The following HIF1AN variants were observed in gnomAD, a reference collection of about 807,000 sequenced individuals.
The protein encoded by HIF1AN is hypoxia inducible factor 1 subunit alpha inhibitor, also known as hypoxia-inducible factor 1-alpha inhibitor.
HIF1AN carries 21 observed loss-of-function variants against 47.7 expected under a neutral mutation model. The ratio of observed to expected loss-of-function variants is 0.44; its 90% CI spans 0.31 to 0.63. HIF1AN has a LOEUF of 0.63. HIF1AN is among the 30% of genes least tolerant of loss of function. The pLI is 0.07. For missense variants in HIF1AN, 320 were observed against 432.7 expected (o/e 0.74, Z 2.31); for synonymous variants, 152 against 155.9 (o/e 0.98, Z 0.18).
At chr10:100,538,598 ATCACCTGAGG>A (rs1362766281) in intron 2 of HIF1AN, among the ~76,000 whole-genome samples, 1 of 152,124 alleles carries the variant, frequency 6.6e-6, no homozygotes, top group Non-Finnish European at 1.5e-5. Flanking sequence ...CGGGAGGCAG[ATCACCTGAGG>A]TCAGGAGTTC....
rs1305553526 is a variant in HIF1AN at position 100,548,255 on chromosome 10, C to G, written c.*118C>G. The G allele has an allele frequency of 2.3e-6, 2 of 851,462 alleles. No homozygotes were observed. The highest frequency in any genetic ancestry group is 1.7e-6 in the Non-Finnish European group (1 of 571,988). The allele number at this position is 851,462 out of a possible 1,614,324, so 52.7% of individuals were successfully genotyped here. A position where few individuals can be genotyped will look rare whatever the true frequency, so the allele number is the denominator to read the frequency against. ...CACGCTGCACTTAATGGACTGGACT[C>G]TTGCCATGGCCCAGGAGTCAGGTGT... On this transcript the variant is annotated 3_prime_UTR_variant, in exon 8 of 8. Transcript: ENST00000299163.
chr10:100,541,350 C>A (rs1843026135), intron 3 of HIF1AN, among the ~76,000 whole-genome samples: 1 of 152,160 alleles, frequency 6.6e-6, no homozygotes, highest in African/African-American at 2.4e-5. Flanking sequence ...ATGATTGCAC[C>A]ACTGCACTGC....
chr10:100,545,385 A>G (rs1370420137), intron 4 of HIF1AN: 9 of 354,384 alleles, frequency 2.5e-5, no homozygotes, highest in Admixed American at 2.1e-4. Context: ...TTATAAGTTT[A>G]TGGAACAAAA....
In HIF1AN at chr10:100,542,022, T is replaced by C. The variant is rs1301104328; in HGVS notation, c.577+1240T>C. 2.0e-5 allele frequency among the ~76,000 whole-genome samples: 3 copies of C among 150,872 alleles called. No individual in the cohort carries two copies. The East Asian group carries it at 5.9e-4, about 29-fold the overall frequency. On this transcript the variant is annotated intron_variant, in intron 3 of 7. Transcript: ENST00000299163. ...TTGTGTATCTAAACATACCTAAATA[T>C]AGAAAAGGTATAGTAAAAGTACGGT... is the stretch of plus-strand genomic sequence containing the variant.
rs996531205 is a variant in HIF1AN, at chr10:100,558,867, G to A, written c.*10730G>A. On this transcript the variant is annotated 3_prime_UTR_variant, in exon 8 of 8. Coordinates refer to ENST00000299163, the MANE Select transcript of HIF1AN (RefSeq NM_017902.3). ...GATGGAGGACTTAGGATGAAGAACA[G>A]GTGTGTTTAAAAACATCAAACCCCC... 9 of 152,180 alleles carry A rather than the reference G, an allele frequency of 5.9e-5. No individual in the cohort carries two copies. Among genetic ancestry groups the A allele is most frequent in the African/African-American group, 1.7e-4 (7 of 41,428 alleles). The allele number at this position is 152,180 out of a possible 1,614,324, so 9.4% of individuals were successfully genotyped here.
chr10:100,545,965 A>G lies in HIF1AN; in HGVS notation c.746A>G (p.Tyr249Cys). ...TAGGTGGACTTTGACAATCCCGACT[A>G]CGAGAGGTTCCCTAATTTCCAAAAT... ...QSQVDFDNPDYERFPNFQNVV... is the reference protein window; with the variant it reads ...QSQVDFDNPDCERFPNFQNVV... Residue 249 changes from tyrosine to cysteine, a missense_variant, in exon 5 of 8, where the codon TAC (tyrosine) becomes TGC (cysteine). Around this residue, in one of 2 missense-constraint regions of HIF1AN, gnomAD observed 161 missense variants for 272.8 expected, o/e 0.59. Transcript: ENST00000299163. 1 of 1,613,522 alleles carries G rather than the reference A, an allele frequency of 6.2e-7. No individual in the cohort carries two copies.
intron 3 of HIF1AN, among the ~76,000 whole-genome samples, chr10:100,542,068 G>A (rs1175405993): frequency 6.6e-6 from 1 of 151,656 alleles, no homozygotes; most frequent in Non-Finnish European, 1.5e-5. Context: ...GCAGGAAAAA[G>A]GTGACAAAAG....
At chr10:100,536,347 G>GGCCATT (rs1852221125) in intron 1 of HIF1AN, 64 bp from the exon 2 acceptor site, 16 of 1,582,940 alleles carry the variant, frequency 1.0e-5, no homozygotes, top group Non-Finnish European at 1.4e-5. Context: ...GGATCATGGA[G>GGCCATT]GCCAACCCAC....
chr10:100,542,199 A>G (rs1843040935), intron 3 of HIF1AN, among the ~76,000 whole-genome samples: 1 of 151,884 alleles, frequency 6.6e-6, no homozygotes, highest in Non-Finnish European at 1.5e-5. Context: ...TGGGAGCACT[A>G]TCGTAGATGC....
In HIF1AN at chr10:100,546,588, A is replaced by G. The variant is rs1843096283; in HGVS notation, c.894+7A>G. The G allele has an allele frequency of 5.6e-6, 9 of 1,612,194 alleles. No individual in the cohort carries two copies. Among genetic ancestry groups the G allele is most frequent in the East Asian group, 2.2e-5 (1 of 44,852 alleles). ...TGTGAACTTCTGGTATAAGGTGAATATGGTTTGCTTTTTTTGTTTTTTCCA... is the reference window on the plus strand; with the variant it reads ...TGTGAACTTCTGGTATAAGGTGAATGTGGTTTGCTTTTTTTGTTTTTTCCA... On this transcript the variant is annotated splice_region_variant and intron_variant, in intron 6 of 7. Coordinates refer to ENST00000299163, the MANE Select transcript of HIF1AN (RefSeq NM_017902.3).
chr10:100,544,122 TAGAA>T (rs1435722818), intron 3 of HIF1AN, among the ~76,000 whole-genome samples: 1 of 152,172 alleles, frequency 6.6e-6, no homozygotes, highest in Admixed American at 6.5e-5. Context: ...TGGTCCTAGT[TAGAA>T]AGGAGTAGAT....
rs1235756034 is a variant in HIF1AN at position 100,548,847 on chromosome 10, A to G, written c.*710A>G. 6.6e-6 allele frequency: 1 copy of G among 152,624 alleles called. No homozygotes were observed. The allele number at this position is 152,624 out of a possible 1,614,324, so 9.5% of individuals were successfully genotyped here. ...ACATAAAAGGACCTTGGGACATAAG[A>G]ACCAATGATTGTGCATAAGTTCTAA... is the stretch of plus-strand genomic sequence containing the variant. On this transcript the variant is annotated 3_prime_UTR_variant, in exon 8 of 8. Coordinates refer to ENST00000299163, the MANE Select transcript of HIF1AN (RefSeq NM_017902.3).
chr10:100,543,476 G>A lies in HIF1AN; in HGVS notation c.578-1475G>A, dbSNP rs1266580972. Among the ~76,000 whole-genome samples the A allele has an allele frequency of 2.0e-5, 3 of 152,156 alleles. No homozygotes were observed. The East Asian group carries it at 5.8e-4, about 29-fold the overall frequency. On this transcript the variant is annotated intron_variant, in intron 3 of 7. Transcript: ENST00000299163. ...GATCCTCTCACCTTGGCCCCCTAAAGTGTTGGGATTACAGACGTGAGCCAC... is the reference window on the plus strand; with the variant it reads ...GATCCTCTCACCTTGGCCCCCTAAAATGTTGGGATTACAGACGTGAGCCAC...
chr10:100,539,334 A>G (rs1282608196), intron 2 of HIF1AN, among the ~76,000 whole-genome samples: 1 of 152,004 alleles, frequency 6.6e-6, no homozygotes, highest in African/African-American at 2.4e-5. Context: ...GGGCTTGTTC[A>G]AGTGTGTCTG....
chr10:100,540,950 C>T (rs1340215754), intron 3 of HIF1AN, among the ~76,000 whole-genome samples, 168 bp downstream of exon 3: 2 of 152,332 alleles, frequency 1.3e-5, no homozygotes, highest in Non-Finnish European at 2.9e-5. Flanking sequence ...TGCCGTGGCT[C>T]ACGCCTGTAA....
chr10:100,536,562 A>G lies in HIF1AN; in HGVS notation c.329A>G (p.Asn110Ser), dbSNP rs1852224675. 6.2e-7 allele frequency: 1 copy of G among 1,614,178 alleles called. No individual in the cohort carries two copies. ...FLYYDEKKMA[N>S]FQNFKPRSNR... ...TACTATGATGAGAAGAAGATGGCCA[A>G]TTTCCAGAACTTTAAGCCGAGGTCC... Residue 110 changes from asparagine (N) to serine (S), a missense_variant, in exon 2 of 8, where the codon AAT becomes AGT. This residue lies in a region of HIF1AN where 159 missense variants were observed against 159.9 expected (regional missense o/e 0.99). Coordinates refer to ENST00000299163, the MANE Select transcript of HIF1AN (RefSeq NM_017902.3).
chr10:100,543,817 C>G (rs145303647), intron 3 of HIF1AN, among the ~76,000 whole-genome samples: 1 of 152,172 alleles, frequency 6.6e-6, no homozygotes, highest in Admixed American at 6.5e-5. Flanking sequence ...CATGATCCCC[C>G]GCCTTGGCCT....
chr10:100,535,990 C>T lies in HIF1AN; in HGVS notation c.32C>T (p.Ser11Phe), dbSNP rs1417835426. MAATAAEAVASGSGEPREEAG... is the reference protein window; with the variant it reads MAATAAEAVAFGSGEPREEAG... ...GCGACAGCGGCGGAGGCTGTGGCCTCTGGCTCTGGAGAGCCCCGGGAGGAG... is the reference window on the plus strand; with the variant it reads ...GCGACAGCGGCGGAGGCTGTGGCCTTTGGCTCTGGAGAGCCCCGGGAGGAG... The change falls in exon 1 of 8, where the codon TCT becomes TTT. Residue 11 changes from serine to phenylalanine, a missense_variant. Transcript: ENST00000299163. 5 of 1,557,804 alleles carry T rather than the reference C, an allele frequency of 3.2e-6. No individual in the cohort carries two copies. The highest frequency in any genetic ancestry group is 2.7e-5 in the African/African-American group (2 of 73,078).
In HIF1AN at chr10:100,556,182, T is replaced by G. The variant is rs1843213437; in HGVS notation, c.*8045T>G. The G allele has an allele frequency of 6.6e-6, 1 of 152,208 alleles. No individual in the cohort carries two copies. The highest frequency in any genetic ancestry group is 2.4e-5 in the African/African-American group (1 of 41,450). 9.4% of individuals were successfully genotyped at this position (152,208 alleles called of 1,614,324 possible). A position where few individuals can be genotyped will look rare whatever the true frequency, so the allele number is the denominator to read the frequency against. ...GCAGAGCAGAGGTATAAGTGTCAAC[T>G]CATGCTTGTGTTACCAGTTCCTACC... is the stretch of plus-strand genomic sequence containing the variant. On this transcript the variant is annotated 3_prime_UTR_variant, in exon 8 of 8. Transcript: ENST00000299163.
Sources: gnomAD v4.1 joint callset for allele counts (sites outside exome capture counted in the v4.1 genomes callset) on GRCh38, gnomAD v4.1.1 for gene constraint, gnomAD v4.1.1 regional missense constraint, MANE v1.5 for transcripts, NCBI Gene and HGNC (gene_info 2026-07-23, HGNC 2026-07-21) for gene names.